ATF7IP2: variants seen among roughly 807,000 people sequenced by gnomAD.
ATF7IP2 encodes activating transcription factor 7-interacting protein 2.
Under a neutral mutation model 64.2 loss-of-function variants are expected in ATF7IP2, and 42 were observed. The ratio of observed to expected loss-of-function variants is 0.65; its 90% CI spans 0.51 to 0.85. ATF7IP2 has a LOEUF of 0.85. Ranked by LOEUF, ATF7IP2 falls within the 40% of genes least tolerant of loss-of-function variation. ATF7IP2 has a pLI of 0.00. For missense variants in ATF7IP2, 933 were observed against 784.2 expected (o/e 1.19, Z -2.27); for synonymous variants, 308 against 272.8 (o/e 1.13, Z -1.27).
chr16:10,471,143 A>G (rs2142066365), intron 9 of ATF7IP2, among the ~76,000 whole-genome samples: 1 of 152,286 alleles, frequency 6.6e-6, no homozygotes, highest in African/African-American at 2.4e-5. Flanking sequence ...AGTGAACCTC[A>G]GCTCTTACTT....
Position 10,398,301 on chromosome 16 carries a change from C to T in ATF7IP2, c.-242+12179C>T, listed in dbSNP as rs185620051. Among the ~76,000 whole-genome samples, 963 of 138,908 alleles carry T rather than the reference C, an allele frequency of 6.9e-3. 7 individuals are homozygous for T. Among genetic ancestry groups the T allele is most frequent in the South Asian group, 0.018 (75 of 4,268 alleles). 91.1% of individuals were successfully genotyped at this position (138,908 alleles called of 152,430 possible). On this transcript the variant is annotated intron_variant, in intron 1 of 13. Coordinates refer to ENST00000562102, the MANE Select transcript of ATF7IP2 (RefSeq NM_001393719.1). ...TCTGGGCAACAGAGCAAGACTCCATCTCAAAAAAAAAAAAATAATAATAAA... is the reference window on the plus strand; with the variant it reads ...TCTGGGCAACAGAGCAAGACTCCATTTCAAAAAAAAAAAAATAATAATAAA...
intron 3 of ATF7IP2, among the ~76,000 whole-genome samples, chr16:10,425,225 G>GT (rs35528504): frequency 0.019 from 2,494 of 134,686 alleles, 56 homozygotes; most frequent in Admixed American, 0.056. Context: ...TGCCTGGCTA[G>GT]TTTTTTTTTT....
At chr16:10,475,832 C>T (rs530243419) in intron 12 of ATF7IP2, among the ~76,000 whole-genome samples, 1 of 151,454 alleles carries the variant, frequency 6.6e-6, no homozygotes, top group East Asian at 1.9e-4. Context: ...TGTAAATGGT[C>T]CAAACACTCC....
intron 4 of ATF7IP2, among the ~76,000 whole-genome samples, chr16:10,429,603 C>G (rs147867440): frequency 8.5e-5 from 13 of 152,246 alleles, no homozygotes; most frequent in Non-Finnish European, 1.6e-4. Context: ...CCTGCCTCGG[C>G]CTCCCAAAGT....
At chr16:10,432,058 C>T (rs889121415) in intron 5 of ATF7IP2, among the ~76,000 whole-genome samples, 1 of 142,908 alleles carries the variant, frequency 7.0e-6, no homozygotes, top group Non-Finnish European at 1.5e-5. Flanking sequence ...ATGCTGGTCT[C>T]GAACTCCTGA....
In ATF7IP2 at chr16:10,395,919, T is replaced by C. The variant is rs541879643; in HGVS notation, c.-242+9797T>C. ...GTACTGGAGGATCTAGTCAGGAAAATGAAGCCCATTTTTTTTTTTCAAATA... is the reference window on the plus strand; with the variant it reads ...GTACTGGAGGATCTAGTCAGGAAAACGAAGCCCATTTTTTTTTTTCAAATA... On this transcript the variant is annotated intron_variant, in intron 1 of 13. Transcript: ENST00000562102. Among the ~76,000 whole-genome samples the C allele has an allele frequency of 5.4e-4, 82 of 152,024 alleles. 1 individual carries two copies. Among genetic ancestry groups the C allele is most frequent in the South Asian group, 1.9e-3 (9 of 4,812 alleles).
Position 10,419,575 on chromosome 16 carries a change from C to T in ATF7IP2, c.-202-6C>T, listed in dbSNP as rs1192952457. On this transcript the variant is annotated splice_polypyrimidine_tract_variant and splice_region_variant and intron_variant, in intron 2 of 13. Transcript: ENST00000562102. ...TCATTGTGATTGGTTGTTCCGCTTT[C>T]CTCAGGTTTTCTTCCGCCGTCTGTG... The T allele has an allele frequency of 6.5e-6, 1 of 153,282 alleles. No homozygotes were observed. Among genetic ancestry groups the T allele is most frequent in the Non-Finnish European group, 1.5e-5 (1 of 68,412 alleles). The allele number at this position is 153,282 out of a possible 1,614,324, so 9.5% of individuals were successfully genotyped here. A position where few individuals can be genotyped will look rare whatever the true frequency, so the allele number is the denominator to read the frequency against.
chr16:10,452,848 C>G (rs543041798), intron 8 of ATF7IP2, among the ~76,000 whole-genome samples: 5 of 152,252 alleles, frequency 3.3e-5, no homozygotes, highest in African/African-American at 1.2e-4. Flanking sequence ...TGGGCTCGGC[C>G]CAGTTCAAAC....
intron 8 of ATF7IP2, chr16:10,448,697 C>G (rs762698432): frequency 7.9e-5 from 12 of 152,086 alleles, no homozygotes; most frequent in Non-Finnish European, 1.0e-4. Flanking sequence ...TTTAGAAAAT[C>G]TCAATCTATT....
intron 2 of ATF7IP2, among the ~76,000 whole-genome samples, chr16:10,417,690 G>C (rs1447914218): frequency 1.3e-5 from 2 of 152,102 alleles, no homozygotes; most frequent in African/African-American, 4.8e-5. Context: ...AATTTATATG[G>C]AAATTCAAGG....
intron 7 of ATF7IP2, among the ~76,000 whole-genome samples, chr16:10,438,547 CTGGCCCA>C (rs1240898446): frequency 6.6e-6 from 1 of 151,994 alleles, no homozygotes; most frequent in East Asian, 1.9e-4. Flanking sequence ...GTCACCACAC[CTGGCCCA>C]TGTGAGTCCT....
chr16:10,391,456 T>C (rs985675876), intron 1 of ATF7IP2, among the ~76,000 whole-genome samples: 2 of 152,160 alleles, frequency 1.3e-5, no homozygotes, highest in African/African-American at 4.8e-5. Flanking sequence ...CAGGAAATTA[T>C]GAAATGGAAC....
At chr16:10,447,502 A>G (rs990441088) in intron 8 of ATF7IP2, 2 of 152,140 alleles carry the variant, frequency 1.3e-5, no homozygotes, top group Admixed American at 6.5e-5. Context: ...GGCAAGGTAA[A>G]TTTACTTCTG....
intron 9 of ATF7IP2, among the ~76,000 whole-genome samples, chr16:10,469,370 G>C (rs1437889240): frequency 2.6e-5 from 4 of 151,978 alleles, no homozygotes; most frequent in Admixed American, 2.6e-4. Context: ...ACTAAGGCAG[G>C]AGCTGAGCAA....
At chr16:10,398,130 C>G (rs2047454701) in intron 1 of ATF7IP2, among the ~76,000 whole-genome samples, 1 of 151,750 alleles carries the variant, frequency 6.6e-6, no homozygotes, top group Non-Finnish European at 1.5e-5. Flanking sequence ...ATGGCGAAAC[C>G]CCATCTCTAC....
chr16:10,412,109 T>A (rs1170261096), intron 1 of ATF7IP2, among the ~76,000 whole-genome samples: 1 of 149,374 alleles, frequency 6.7e-6, no homozygotes, highest in African/African-American at 2.5e-5. Context: ...TGTGACATGT[T>A]GGTTTGCTGC....
At chr16:10,394,323 G>T (rs1176617270) in intron 1 of ATF7IP2, among the ~76,000 whole-genome samples, 2 of 152,206 alleles carry the variant, frequency 1.3e-5, no homozygotes, top group African/African-American at 4.8e-5. Flanking sequence ...AGAAGAGTTG[G>T]TGCCTCAGGC....
chr16:10,442,769 A>G (rs201460519), intron 8 of ATF7IP2, among the ~76,000 whole-genome samples: 1 of 10,660 alleles, frequency 9.4e-5, no homozygotes, highest in African/African-American at 4.2e-4. Flanking sequence ...TTCTATTTTC[A>G]CAGGCCATTT....
chr16:10,465,910 A>C (rs924332117), intron 9 of ATF7IP2, among the ~76,000 whole-genome samples: 1 of 152,136 alleles, frequency 6.6e-6, no homozygotes, highest in Non-Finnish European at 1.5e-5. Context: ...TAATTTTTAA[A>C]ATATAGTTGA....
Sources: allele counts gnomAD v4.1 joint callset (sites outside exome capture counted in the v4.1 genomes callset), GRCh38; gene constraint gnomAD v4.1.1; transcripts MANE v1.5; gene names NCBI Gene and HGNC (gene_info 2026-07-23, HGNC 2026-07-21).